Variants in ZNF407 observed in about 807,000 individuals in gnomAD.
The protein encoded by ZNF407 is zinc finger protein 407.
Under a neutral mutation model 131.2 loss-of-function variants are expected in ZNF407, and 17 were observed. The observed-to-expected ratio is 0.13, with a 90% CI of 0.09 to 0.19. ZNF407 has a LOEUF of 0.19. Ranked by LOEUF, ZNF407 falls within the 10% of genes least tolerant of loss-of-function variation. ZNF407 has a pLI of 1.00. For missense variants in ZNF407, 2,681 were observed against 2,830.6 expected (o/e 0.95, Z 1.20); for synonymous variants, 1,156 against 1,062.0 (o/e 1.09, Z -1.72).
chr18:74,678,119 C>T (rs1331973113), intron 3 of ZNF407, among the ~76,000 whole-genome samples: 1 of 152,116 alleles, frequency 6.6e-6, no homozygotes. Flanking sequence ...CTGCACTCGG[C>T]CTCGTTATTT....
chr18:74,630,853 C>A, intron 1 of ZNF407, 114 bp from the exon 2 acceptor site: 1 of 683,774 alleles, frequency 1.5e-6, no homozygotes, highest in Non-Finnish European at 2.2e-6. Flanking sequence ...AAATTCATCT[C>A]AGTATAAAGG....
chr18:75,058,155 A>T (rs577430824), intron 8 of ZNF407, among the ~76,000 whole-genome samples: 1 of 152,234 alleles, frequency 6.6e-6, no homozygotes, highest in South Asian at 2.1e-4. Flanking sequence ...CCACCCCCGC[A>T]TAATGGAGCT....
intron 8 of ZNF407, among the ~76,000 whole-genome samples, chr18:75,024,477 A>C (rs1973148691): frequency 6.6e-6 from 1 of 152,212 alleles, no homozygotes; most frequent in African/African-American, 2.4e-5. Flanking sequence ...CAAGTGAGAC[A>C]ACACTTTTTG....
chr18:74,795,697 C>A (rs1797977889), intron 4 of ZNF407, among the ~76,000 whole-genome samples: 1 of 152,230 alleles, frequency 6.6e-6, no homozygotes, highest in South Asian at 2.1e-4. Flanking sequence ...TTGCCATGTA[C>A]TGAATTGTGT....
chr18:74,617,638 T>C (rs926235390), intron 1 of ZNF407, among the ~76,000 whole-genome samples: 9 of 152,314 alleles, frequency 5.9e-5, no homozygotes, highest in African/African-American at 2.2e-4. Context: ...GCTGCAGTAA[T>C]GACCAGGTGA....
intron 7 of ZNF407, among the ~76,000 whole-genome samples, chr18:74,909,429 A>G (rs926030352): frequency 6.6e-6 from 1 of 152,186 alleles, no homozygotes; most frequent in African/African-American, 2.4e-5. Flanking sequence ...TTGTTCTACC[A>G]TAGAGCAACT....
intron 4 of ZNF407, among the ~76,000 whole-genome samples, chr18:74,862,555 A>G (rs780325485): frequency 2.0e-5 from 3 of 152,224 alleles, no homozygotes; most frequent in Non-Finnish European, 4.4e-5. Context: ...AAGTACCAAG[A>G]TATAAAATGC....
At chr18:74,994,570 G>A (rs907205684) in intron 8 of ZNF407, among the ~76,000 whole-genome samples, 2 of 152,200 alleles carry the variant, frequency 1.3e-5, no homozygotes, top group Non-Finnish European at 2.9e-5. Flanking sequence ...GGCAGAAGGG[G>A]AGGCAGTTCG....
intron 3 of ZNF407, among the ~76,000 whole-genome samples, chr18:74,710,484 G>A (rs910847804): frequency 1.3e-5 from 2 of 152,116 alleles, no homozygotes; most frequent in African/African-American, 4.8e-5. Flanking sequence ...ATGTTATAAG[G>A]TTTGACTGAA....
chr18:74,947,414 G>A (rs1338152485), intron 8 of ZNF407, among the ~76,000 whole-genome samples: 1 of 152,144 alleles, frequency 6.6e-6, no homozygotes, highest in African/African-American at 2.4e-5. Context: ...GAATTTCAAA[G>A]TATCATTTTT....
At chr18:74,617,138 A>G (rs1599132910) in intron 1 of ZNF407, among the ~76,000 whole-genome samples, 3 of 128,338 alleles carry the variant, frequency 2.3e-5, no homozygotes, top group Non-Finnish European at 4.9e-5. Context: ...ATATCCACAC[A>G]CCACACACAT....
chr18:74,982,550 T>G (rs1285954479), intron 8 of ZNF407, among the ~76,000 whole-genome samples: 2 of 152,250 alleles, frequency 1.3e-5, no homozygotes, highest in African/African-American at 4.8e-5. Context: ...CAGACTTTAT[T>G]ACTGAGTTCC....
At chr18:74,672,088 T>G (rs1986162092) in intron 3 of ZNF407, among the ~76,000 whole-genome samples, 1 of 152,150 alleles carries the variant, frequency 6.6e-6, no homozygotes, top group Non-Finnish European at 1.5e-5. Context: ...GTGATGGGAT[T>G]GCTGGGGGGT....
intron 7 of ZNF407, among the ~76,000 whole-genome samples, chr18:74,891,128 A>C (rs933623744): frequency 6.6e-6 from 1 of 152,204 alleles, no homozygotes; most frequent in Non-Finnish European, 1.5e-5. Flanking sequence ...GTGGAAGATC[A>C]GGTGGAGCAC....
intron 4 of ZNF407, among the ~76,000 whole-genome samples, chr18:74,806,815 G>C (rs1185876263): frequency 6.6e-6 from 1 of 152,204 alleles, no homozygotes; most frequent in Non-Finnish European, 1.5e-5. Flanking sequence ...GTGAGACTGA[G>C]TAAGTGTCCC....
intron 1 of ZNF407, among the ~76,000 whole-genome samples, chr18:74,604,142 A>G (rs928898804): frequency 6.6e-6 from 1 of 152,196 alleles, no homozygotes; most frequent in Admixed American, 6.5e-5. Context: ...GAAGAGGTGG[A>G]TGAAGAGATA....
chr18:75,045,236 A>G (rs1489515537), intron 8 of ZNF407, among the ~76,000 whole-genome samples: 1 of 152,182 alleles, frequency 6.6e-6, no homozygotes, highest in Non-Finnish European at 1.5e-5. Context: ...AAGTTTTATA[A>G]TATAACTGGA....
rs1188366967 is a variant in ZNF407, at chr18:74,633,824, T to G, written c.2805T>G (p.Ala935=). 1 of 1,613,856 alleles carries G rather than the reference T, an allele frequency of 6.2e-7. No individual in the cohort carries two copies. Among genetic ancestry groups the G allele is most frequent in the African/African-American group, 1.3e-5 (1 of 74,934 alleles). ...GGSLEAGKKN[A]GSAVTMSDEH... is the part of the protein sequence containing the mutation. Reference sequence around the variant, plus strand: ...GCCTTGAAGCTGGTAAAAAGAATGCTGGCTCAGCAGTGACCATGTCAGATG... The same window carrying G: ...GCCTTGAAGCTGGTAAAAAGAATGCGGGCTCAGCAGTGACCATGTCAGATG... Residue 935 remains alanine, a synonymous_variant, in exon 2 of 9, where the codon GCT becomes GCG. Coordinates refer to ENST00000299687, the MANE Select transcript of ZNF407 (RefSeq NM_017757.3).
At chr18:74,845,130 G>A (rs1970684554) in intron 4 of ZNF407, among the ~76,000 whole-genome samples, 1 of 152,176 alleles carries the variant, frequency 6.6e-6, no homozygotes, top group Admixed American at 6.5e-5. Context: ...CAGAGAGAAT[G>A]CAAGAATTGT....
Sources: gnomAD v4.1 joint callset for allele counts (sites outside exome capture counted in the v4.1 genomes callset) on GRCh38, gnomAD v4.1.1 for gene constraint, MANE v1.5 for transcripts, NCBI Gene and HGNC (gene_info 2026-07-23, HGNC 2026-07-21) for gene names.